The following COLEC12 variants were observed in gnomAD, a reference collection of about 807,000 sequenced individuals.
The protein encoded by COLEC12 is collectin-12.
Under a neutral mutation model 71.1 loss-of-function variants are expected in COLEC12, and 33 were observed. The observed-to-expected ratio is 0.46, with a 90% CI of 0.35 to 0.62. The LOEUF is 0.62. Among genes scored for constraint, COLEC12 ranks in the 20% least tolerant of loss-of-function variants. The pLI, the probability that COLEC12 is intolerant of heterozygous loss-of-function variation, is 0.00. For missense variants in COLEC12, 765 were observed against 916.1 expected, an observed-to-expected ratio of 0.84 and a Z score of 2.13; for synonymous variants, 350 against 353.0, an observed-to-expected ratio of 0.99 and a Z score of 0.10.
intron 1 of COLEC12, among the ~76,000 whole-genome samples, chr18:483,707 A>G (rs1225645160): frequency 6.6e-6 from 1 of 152,162 alleles, no homozygotes; most frequent in Non-Finnish European, 1.5e-5. Context: ...TGCTTTACTT[A>G]CTAATCTGTC....
At chr18:482,515 A>G (rs574941868) in intron 1 of COLEC12, among the ~76,000 whole-genome samples, 4 of 152,270 alleles carry the variant, frequency 2.6e-5, no homozygotes, top group South Asian at 4.1e-4. Flanking sequence ...TTTCTCTCAC[A>G]GGCAACTCAG....
At chr18:437,254 C>T (rs146817196) in intron 2 of COLEC12, among the ~76,000 whole-genome samples, 2 of 152,270 alleles carry the variant, frequency 1.3e-5, no homozygotes, top group African/African-American at 2.4e-5. Flanking sequence ...ATGGGCTATA[C>T]AACATAAAGA....
At chr18:337,273 C>G (rs1241863661) in intron 5 of COLEC12, among the ~76,000 whole-genome samples, 1 of 152,182 alleles carries the variant, frequency 6.6e-6, no homozygotes, top group Admixed American at 6.5e-5. Context: ...CTTTATCCCT[C>G]CTGCTCCTTG....
chr18:474,811 G>A (rs1004972489), intron 2 of COLEC12, among the ~76,000 whole-genome samples: 4 of 152,160 alleles, frequency 2.6e-5, no homozygotes, highest in East Asian at 1.9e-4. Context: ...TGGTGGCTAC[G>A]CCTGTAATCC....
At chr18:483,273 G>C (rs954752014) in intron 1 of COLEC12, among the ~76,000 whole-genome samples, 1 of 152,002 alleles carries the variant, frequency 6.6e-6, no homozygotes, top group East Asian at 1.9e-4. Flanking sequence ...GGTGGCAGGT[G>C]CCTGTAATCC....
At chr18:321,066 T>C (rs1811400502) in intron 9 of COLEC12, among the ~76,000 whole-genome samples, 1 of 152,160 alleles carries the variant, frequency 6.6e-6, no homozygotes, top group South Asian at 2.1e-4. Flanking sequence ...ATCTCTTTTC[T>C]TTTTTGAGAT....
chr18:364,892 G>A (rs1369837132), intron 2 of COLEC12, among the ~76,000 whole-genome samples: 3 of 152,144 alleles, frequency 2.0e-5, no homozygotes, highest in Non-Finnish European at 4.4e-5. Context: ...GGAAAGTGGG[G>A]AGGTCAAAGA....
chr18:397,699 A>G (rs775113979), intron 2 of COLEC12, among the ~76,000 whole-genome samples: 2 of 152,198 alleles, frequency 1.3e-5, no homozygotes, highest in Non-Finnish European at 2.9e-5. Flanking sequence ...TTTTTAAGCC[A>G]TGTGTCCATC....
chr18:343,113 C>T (rs1007323223), intron 5 of COLEC12, among the ~76,000 whole-genome samples: 7 of 152,160 alleles, frequency 4.6e-5, no homozygotes, highest in Non-Finnish European at 1.0e-4. Context: ...TCACACCAAC[C>T]CCCTACCATG....
At position 332,620 on chromosome 18, in the gene COLEC12, C is replaced by T. The variant is rs570469132; in HGVS notation, c.1953+387G>A. On this transcript the variant is annotated intron_variant, in intron 7 of 9. Transcript: ENST00000400256. ...TGGGCTCTGCCTCCTCAGCCTTCTT[C>T]GCTCTTCCTGACTCCTCTGGAGCCA... 5.3e-5 allele frequency among the ~76,000 whole-genome samples: 8 copies of T among 152,274 alleles called. No homozygotes were observed. The East Asian group carries it at 7.7e-4, about 15-fold the overall frequency.
chr18:499,395 C>T (rs909998433), intron 1 of COLEC12, among the ~76,000 whole-genome samples: 10 of 152,154 alleles, frequency 6.6e-5, no homozygotes, highest in African/African-American at 2.4e-4. Flanking sequence ...GTTAGTTCCG[C>T]GGGAGCTGCC....
chr18:382,358 T>C (rs978116735), intron 2 of COLEC12, among the ~76,000 whole-genome samples: 4 of 152,220 alleles, frequency 2.6e-5, no homozygotes, highest in Non-Finnish European at 5.9e-5. Context: ...TTCACAGATA[T>C]GTGGTCTTAC....
At chr18:392,876 ATTCTT>A (rs1348372050) in intron 2 of COLEC12, among the ~76,000 whole-genome samples, 1 of 152,218 alleles carries the variant, frequency 6.6e-6, no homozygotes, top group Non-Finnish European at 1.5e-5. Context: ...TTTGGAAAAG[ATTCTT>A]TTCTTTGTTA....
chr18:463,671 G>A (rs925167721), intron 2 of COLEC12, among the ~76,000 whole-genome samples: 3 of 152,008 alleles, frequency 2.0e-5, no homozygotes, highest in African/African-American at 4.8e-5. Flanking sequence ...GCGACATCTC[G>A]GAGTCACAGA....
intron 3 of COLEC12, among the ~76,000 whole-genome samples, chr18:355,383 G>A (rs1914609714): frequency 1.3e-5 from 2 of 152,096 alleles, no homozygotes; most frequent in African/African-American, 4.8e-5. Context: ...TAGCTGGAGA[G>A]CAGAGAAAAG....
At position 335,234 on chromosome 18, in the gene COLEC12, A is replaced by C; in HGVS notation, c.1328-4T>G. The C allele has an allele frequency of 6.4e-7, 1 of 1,570,496 alleles. No homozygotes were observed. The highest frequency in any genetic ancestry group is 1.2e-5 in the South Asian group (1 of 84,748). ...GGACCCCTGGGGCCCGGTGGACCTA[A>C]AGCATAAAAGAAAAAGGTGTCAACA... On this transcript the variant is annotated splice_region_variant and splice_polypyrimidine_tract_variant and intron_variant, in intron 5 of 9. Transcript: ENST00000400256.
intron 2 of COLEC12, among the ~76,000 whole-genome samples, chr18:428,204 C>A (rs1447827255): frequency 6.6e-6 from 1 of 151,204 alleles, no homozygotes; most frequent in Non-Finnish European, 1.5e-5. Flanking sequence ...GTGGAGGTTG[C>A]GTGAGCTGAG....
At chr18:401,159 C>A (rs886152693) in intron 2 of COLEC12, among the ~76,000 whole-genome samples, 1 of 152,186 alleles carries the variant, frequency 6.6e-6, no homozygotes, top group African/African-American at 2.4e-5. Flanking sequence ...GTGTTCTGAT[C>A]AAAACCCAGC....
intron 1 of COLEC12, among the ~76,000 whole-genome samples, chr18:493,023 CA>C (rs2143793077): frequency 6.6e-6 from 1 of 152,266 alleles, no homozygotes; most frequent in African/African-American, 2.4e-5. Flanking sequence ...AGCAACATAG[CA>C]AAACCCTGTC....
Sources: gnomAD v4.1 joint callset for allele counts (sites outside exome capture counted in the v4.1 genomes callset) on GRCh38, gnomAD v4.1.1 for gene constraint, MANE v1.5 for transcripts, NCBI Gene and HGNC (gene_info 2026-07-23, HGNC 2026-07-21) for gene names.